DPP6: variants seen among roughly 807,000 people sequenced by gnomAD.
DPP6 encodes the protein dipeptidyl peptidase like 6, also known as A-type potassium channel modulatory protein DPP6.
DPP6 carries 69 observed loss-of-function variants against 122.6 expected under a neutral mutation model. That is an observed-to-expected ratio of 0.56 (90% confidence interval 0.46 to 0.69). The LOEUF is 0.69. Among genes scored for constraint, DPP6 ranks in the 30% least tolerant of loss-of-function variants. The pLI is 0.00. For synonymous variants in DPP6, 418 were observed against 433.1 expected, an observed-to-expected ratio of 0.97 and a Z score of 0.43; for missense variants, 928 against 1,116.9, an observed-to-expected ratio of 0.83 and a Z score of 2.41.
chr7:154,775,818 A>G (rs186487594), intron 10 of DPP6, among the ~76,000 whole-genome samples: 3 of 152,266 alleles, frequency 2.0e-5, no homozygotes, highest in African/African-American at 7.2e-5. Flanking sequence ...TCTACACAGC[A>G]TCTCAGGCCG....
chr7:154,279,630 A>G (rs1479260014), intron 1 of DPP6, among the ~76,000 whole-genome samples: 1 of 152,234 alleles, frequency 6.6e-6, no homozygotes, highest in Non-Finnish European at 1.5e-5. Flanking sequence ...GCAAAGTCTC[A>G]TTAGTTTGAT....
intron 1 of DPP6, among the ~76,000 whole-genome samples, chr7:154,258,553 CA>C (rs1802806048): frequency 1.3e-5 from 2 of 152,084 alleles, no homozygotes; most frequent in Admixed American, 6.6e-5. Flanking sequence ...GCTCCACAAC[CA>C]ATAGCAAAAG....
chr7:154,767,667 T>G (rs1795993151), intron 8 of DPP6, among the ~76,000 whole-genome samples: 1 of 152,124 alleles, frequency 6.6e-6, no homozygotes, highest in Non-Finnish European at 1.5e-5. Context: ...GCGGCTGTTG[T>G]GCCCCTAGCT....
At chr7:154,816,870 C>T (rs1799455749) in intron 16 of DPP6, among the ~76,000 whole-genome samples, 1 of 152,212 alleles carries the variant, frequency 6.6e-6, no homozygotes, top group Non-Finnish European at 1.5e-5. Context: ...AGCCACAAAA[C>T]ATTAAATCAA....
intron 2 of DPP6, among the ~76,000 whole-genome samples, chr7:154,472,674 G>T (rs1174677523): frequency 6.6e-6 from 1 of 152,116 alleles, no homozygotes. Flanking sequence ...AGATGATTTT[G>T]GGAATGAATC....
intron 1 of DPP6, among the ~76,000 whole-genome samples, chr7:154,348,959 G>A (rs900383389): frequency 6.6e-6 from 1 of 152,142 alleles, no homozygotes; most frequent in Admixed American, 6.5e-5. Flanking sequence ...TGCAACACAA[G>A]TTGCCTGTTC....
At chr7:153,821,120 C>T in the DPP6 span, among the ~76,000 whole-genome samples, 1 of 152,168 alleles carries the variant, frequency 6.6e-6, no homozygotes. Flanking sequence ...TTTTAATATA[C>T]ATGGATAACT....
chr7:154,365,790 C>T (rs1812115637), intron 1 of DPP6, among the ~76,000 whole-genome samples: 1 of 152,076 alleles, frequency 6.6e-6, no homozygotes, highest in African/African-American at 2.4e-5. Context: ...AACCCCGTCT[C>T]TACTAAAAAT....
At chr7:154,837,389 CACATGCAT>C (rs1801174269) in intron 16 of DPP6, among the ~76,000 whole-genome samples, 1 of 152,224 alleles carries the variant, frequency 6.6e-6, no homozygotes, top group Non-Finnish European at 1.5e-5. Context: ...CATGCACGCA[CACATGCAT>C]ACATGCATGT....
chr7:154,360,078 A>G (rs1345343811), intron 1 of DPP6, among the ~76,000 whole-genome samples: 1 of 152,234 alleles, frequency 6.6e-6, no homozygotes, highest in South Asian at 2.1e-4. Flanking sequence ...TCATTTTACT[A>G]TGCCAGTAGT....
intron 1 of DPP6, among the ~76,000 whole-genome samples, chr7:154,378,164 A>G (rs1416763995): frequency 6.6e-6 from 1 of 152,226 alleles, no homozygotes; most frequent in Non-Finnish European, 1.5e-5. Context: ...AATGTTTTTG[A>G]ATGAATACAT....
intron 7 of DPP6, among the ~76,000 whole-genome samples, chr7:154,676,399 G>A (rs73494059): frequency 0.16 from 16,249 of 100,068 alleles, 2,085 homozygotes; most frequent in Admixed American, 0.19. Context: ...CAGGTGTTCC[G>A]GCTACAGCCT....
chr7:153,810,604 A>C, the DPP6 span, among the ~76,000 whole-genome samples: 1 of 148,602 alleles, frequency 6.7e-6, no homozygotes, highest in East Asian at 2.0e-4. Flanking sequence ...TATTTTTCTC[A>C]GTTTTTCTTT....
chr7:153,941,403 T>C (rs6956488), intron 1 of DPP6, among the ~76,000 whole-genome samples: 21,775 of 152,174 alleles, frequency 0.14, 1,792 homozygotes, highest in African/African-American at 0.22. Context: ...TGCTGGGTGA[T>C]GTCTGTAATG....
chr7:153,826,778 A>G, the DPP6 span, among the ~76,000 whole-genome samples: 1 of 152,320 alleles, frequency 6.6e-6, no homozygotes, highest in South Asian at 2.1e-4. Flanking sequence ...ATCCCAATAC[A>G]TTAATGATAG....
intron 1 of DPP6, among the ~76,000 whole-genome samples, chr7:154,179,154 G>T (rs1296251229): frequency 2.0e-5 from 3 of 152,204 alleles, no homozygotes. Flanking sequence ...TGCAGACCAG[G>T]CCTGGAGGAG....
At chr7:154,583,254 G>A (rs1042651991) in intron 5 of DPP6, among the ~76,000 whole-genome samples, 9 of 152,234 alleles carry the variant, frequency 5.9e-5, no homozygotes, top group African/African-American at 2.2e-4. Flanking sequence ...ACAAGGTCAA[G>A]GTGCCAGCAG....
chr7:154,540,428 C>G, intron 3 of DPP6, 104 bp from the exon 4 acceptor site: 1 of 746,010 alleles, frequency 1.3e-6, no homozygotes, highest in Non-Finnish European at 2.3e-6. Context: ...GGGAGCCTAT[C>G]TTTTTTTCAG....
chr7:153,866,667 G>T, the DPP6 span, among the ~76,000 whole-genome samples: 1 of 152,098 alleles, frequency 6.6e-6, no homozygotes, highest in African/African-American at 2.4e-5. Flanking sequence ...GATCCCATTT[G>T]TCAATTTTGG....
Sources: allele counts gnomAD v4.1 joint callset (sites outside exome capture counted in the v4.1 genomes callset), GRCh38; gene constraint gnomAD v4.1.1; transcripts MANE v1.5; gene names NCBI Gene and HGNC (gene_info 2026-07-23, HGNC 2026-07-21).